PCDHA10: variants seen among roughly 807,000 people sequenced by gnomAD.
PCDHA10 encodes the protein protocadherin alpha-10.
PCDHA10 carries 45 observed loss-of-function variants against 61.2 expected under a neutral mutation model. The ratio of observed to expected loss-of-function variants is 0.74; its 90% CI spans 0.58 to 0.94. The LOEUF is 0.94. Among genes scored for constraint, PCDHA10 ranks in the 40% least tolerant of loss-of-function variants. The pLI, the probability that PCDHA10 is intolerant of heterozygous loss-of-function variation, is 0.00. For synonymous variants in PCDHA10, 602 were observed against 548.8 expected (o/e 1.10, Z -1.35); for missense variants, 1,278 against 1,236.2 (o/e 1.03, Z -0.51).
intron 1 of PCDHA10, among the ~76,000 whole-genome samples, chr5:140,941,249 TTCTTTC>T (rs1367740560): frequency 3.0e-4 from 42 of 138,342 alleles, no homozygotes; most frequent in South Asian, 7.1e-4. Context: ...CTTTCTTTCT[TTCTTTC>T]TCTTTCTTTC....
intron 1 of PCDHA10, among the ~76,000 whole-genome samples, chr5:140,938,751 C>A (rs943916265): frequency 6.6e-6 from 1 of 151,978 alleles, no homozygotes; most frequent in Non-Finnish European, 1.5e-5. Flanking sequence ...TTTTTAAAGG[C>A]ATAGTTATTG....
At chr5:140,877,178 C>A (rs370071106) in intron 1 of PCDHA10, 34 of 1,613,676 alleles carry the variant, frequency 2.1e-5, no homozygotes, top group Middle Eastern at 1.7e-4. Context: ...CTGGCGACTC[C>A]GGCTGGCAGC....
chr5:140,863,047 C>G (rs1554157583), intron 1 of PCDHA10: 1 of 560,866 alleles, frequency 1.8e-6, no homozygotes. Flanking sequence ...TGTCAGCTGG[C>G]AGCACCCGTT....
chr5:140,873,012 T>G (rs542650049), intron 1 of PCDHA10, among the ~76,000 whole-genome samples: 1 of 152,192 alleles, frequency 6.6e-6, no homozygotes. Context: ...TTCTTCATAT[T>G]TAGTTATTCT....
In PCDHA10 at chr5:140,927,196, G is replaced by A. The variant is rs781932405; in HGVS notation, c.2389-51753G>A. On this transcript the variant is annotated intron_variant, in intron 1 of 3. Coordinates refer to ENST00000307360, the MANE Select transcript of PCDHA10 (RefSeq NM_018901.4). ...CGTCTTGACCTACGACCTGGTGCTC[G>A]AGGACCCGCTGGAGCTGCACAAGAT... The A allele has an allele frequency of 5.6e-6, 9 of 1,614,028 alleles. No homozygotes were observed. In the South Asian group the frequency reaches 7.7e-5, roughly 14 times the overall value.
At chr5:140,997,993 C>T (rs1356544638) in intron 3 of PCDHA10, among the ~76,000 whole-genome samples, 1 of 152,082 alleles carries the variant, frequency 6.6e-6, no homozygotes, top group Non-Finnish European at 1.5e-5. Flanking sequence ...TACATACTTC[C>T]CTCTGAGCCT....
At chr5:140,930,169 A>G (rs1312219690) in intron 1 of PCDHA10, 1 of 152,184 alleles carries the variant, frequency 6.6e-6, no homozygotes, top group Non-Finnish European at 1.5e-5. Context: ...AATATTTTAC[A>G]AAGAGGAAAG....
intron 1 of PCDHA10, chr5:140,870,383 G>C: frequency 6.2e-7 from 1 of 1,614,242 alleles, no homozygotes; most frequent in South Asian, 1.1e-5. Flanking sequence ...GTGACTGCGC[G>C]GGATGGGGGT....
At chr5:140,968,170 C>G in intron 1 of PCDHA10, 1 of 1,614,132 alleles carries the variant, frequency 6.2e-7, no homozygotes, top group Middle Eastern at 1.6e-4. Context: ...ATCCACCAAG[C>G]TTCCTGGAGG....
chr5:140,985,139 G>A (rs782548607), intron 3 of PCDHA10, among the ~76,000 whole-genome samples: 6 of 152,126 alleles, frequency 3.9e-5, no homozygotes, highest in South Asian at 2.1e-4. Flanking sequence ...GGGTTTCACC[G>A]TGTTAGCCAG....
intron 1 of PCDHA10, among the ~76,000 whole-genome samples, chr5:140,902,484 G>T (rs1211102117): frequency 3.3e-5 from 5 of 152,096 alleles, no homozygotes; most frequent in African/African-American, 1.2e-4. Context: ...TGCCTGCTCA[G>T]TATGATACTA....
intron 1 of PCDHA10, among the ~76,000 whole-genome samples, chr5:140,961,888 T>G (rs1361187779): frequency 4.0e-5 from 5 of 124,944 alleles, no homozygotes; most frequent in Non-Finnish European, 7.9e-5. Context: ...CTTACATCAG[T>G]TTTTTTTTTT....
chr5:140,935,172 A>G (rs1278781509), intron 1 of PCDHA10, among the ~76,000 whole-genome samples: 34 of 152,164 alleles, frequency 2.2e-4, no homozygotes, highest in Admixed American at 2.1e-3. Context: ...AGGTGTGCTT[A>G]TTGCTGCTGG....
intron 1 of PCDHA10, among the ~76,000 whole-genome samples, chr5:140,918,366 T>G (rs1203283831): frequency 2.0e-5 from 3 of 152,180 alleles, no homozygotes; most frequent in African/African-American, 7.2e-5. Flanking sequence ...CTCTGCCTAT[T>G]TGGATGCCTT....
intron 1 of PCDHA10, chr5:140,875,208 C>A: frequency 1.5e-6 from 1 of 668,546 alleles, no homozygotes; most frequent in Non-Finnish European, 2.2e-6. Flanking sequence ...GTGGCTAAAC[C>A]GAAAAGAACC....
chr5:140,866,385 A>G (rs1211864168), intron 1 of PCDHA10: 3 of 152,140 alleles, frequency 2.0e-5, no homozygotes, highest in Non-Finnish European at 2.9e-5. Flanking sequence ...ACAATTTTAA[A>G]GACATAGATT....
In PCDHA10 at chr5:140,972,962, A is replaced by G. The variant is rs550755148; in HGVS notation, c.2389-5987A>G. Among the ~76,000 whole-genome samples the G allele has an allele frequency of 1.5e-3, 231 of 152,144 alleles. 1 individual carries two copies. The highest frequency in any genetic ancestry group is 2.9e-3 in the Non-Finnish European group (194 of 67,976). ...CAGATGTGAGCCACCATGCCCGGCA[A>G]AGGAAACCAAATCTTAAGGTAGATT... On this transcript the variant is annotated intron_variant, in intron 1 of 3. Transcript: ENST00000307360.
intron 1 of PCDHA10, chr5:140,883,872 T>A (rs1554180376): frequency 1.2e-6 from 2 of 1,612,996 alleles, no homozygotes; most frequent in African/African-American, 1.3e-5. Flanking sequence ...CAGTTCCAGG[T>A]GAGCGCGCGC....
At chr5:140,992,023 G>C (rs1415968916) in intron 3 of PCDHA10, among the ~76,000 whole-genome samples, 2 of 148,226 alleles carry the variant, frequency 1.3e-5, no homozygotes, top group African/African-American at 4.9e-5. Flanking sequence ...GGCTCTGTGT[G>C]TGTGTGTGTG....
Sources: allele counts gnomAD v4.1 joint callset (sites outside exome capture counted in the v4.1 genomes callset), GRCh38; gene constraint gnomAD v4.1.1; transcripts MANE v1.5; gene names NCBI Gene and HGNC (gene_info 2026-07-23, HGNC 2026-07-21).